Variants in CACNA2D1 observed in about 807,000 individuals in gnomAD.
The protein encoded by CACNA2D1 is calcium voltage-gated channel auxiliary subunit alpha2delta 1, also known as voltage-dependent calcium channel subunit alpha-2/delta-1.
CACNA2D1 carries 53 observed loss-of-function variants against 171.5 expected under a neutral mutation model. The ratio of observed to expected loss-of-function variants is 0.31; its 90% CI spans 0.25 to 0.39. The LOEUF is 0.39. Among genes scored for constraint, CACNA2D1 ranks in the 10% least tolerant of loss-of-function variants. The probability of loss-of-function intolerance (pLI) is 1.00; values close to 1 mark genes in which losing one functional copy is unlikely to be tolerated. For missense variants in CACNA2D1, 903 were observed against 1,299.8 expected, an observed-to-expected ratio of 0.69 and a Z score of 4.69; for synonymous variants, 442 against 443.1, an observed-to-expected ratio of 1.00 and a Z score of 0.03.
intron 1 of CACNA2D1, among the ~76,000 whole-genome samples, chr7:82,413,831 TAC>T (rs994639906): frequency 1.4e-4 from 22 of 152,228 alleles, no homozygotes; most frequent in Admixed American, 2.0e-4. Flanking sequence ...GATTAATATA[TAC>T]ACACATATAT....
At chr7:82,257,349 C>T (rs1240802884) in intron 3 of CACNA2D1, among the ~76,000 whole-genome samples, 1 of 152,214 alleles carries the variant, frequency 6.6e-6, no homozygotes, top group African/African-American at 2.4e-5. Flanking sequence ...TAATCATATA[C>T]ATTACCCCTG....
chr7:81,989,755 T>A (rs1383239193), intron 21 of CACNA2D1, among the ~76,000 whole-genome samples: 1 of 152,312 alleles, frequency 6.6e-6, no homozygotes, highest in African/African-American at 2.4e-5. Flanking sequence ...TTTTGCCAAA[T>A]TGCTGTATGC....
chr7:82,069,821 TA>T (rs1808108840), intron 7 of CACNA2D1, among the ~76,000 whole-genome samples: 1 of 152,120 alleles, frequency 6.6e-6, no homozygotes, highest in Non-Finnish European at 1.5e-5. Flanking sequence ...ATTTCCCAAT[TA>T]AAAAGTTCAA....
At chr7:82,087,314 T>C (rs374718669) in intron 6 of CACNA2D1, among the ~76,000 whole-genome samples, 1 of 152,124 alleles carries the variant, frequency 6.6e-6, no homozygotes, top group African/African-American at 2.4e-5. Context: ...GCCATAGGAA[T>C]GCAAAATTAC....
At position 82,443,385 on chromosome 7, in the gene CACNA2D1, C is replaced by T. The variant is rs199857487; in HGVS notation, c.75G>A (p.Glu25=). The change falls in exon 1 of 39, where the codon GAG becomes GAA. Residue 25 remains glutamate, a synonymous_variant. Coordinates refer to ENST00000356860, the MANE Select transcript of CACNA2D1 (RefSeq NM_000722.4). ...QSLLIGPSSE[E]PFPSAVTIKS... ...CTTACGTGACGGCCGAAGGGAACGGCTCCTCCGACGAGGGGCCGATGAGCA... is the reference window on the plus strand; with the variant it reads ...CTTACGTGACGGCCGAAGGGAACGGTTCCTCCGACGAGGGGCCGATGAGCA... The T allele has an allele frequency of 2.7e-5, 44 of 1,604,510 alleles. No individual in the cohort carries two copies. Among genetic ancestry groups the T allele is most frequent in the Middle Eastern group, 1.7e-4 (1 of 6,028 alleles).
At chr7:82,098,399 A>C (rs1323995985) in intron 6 of CACNA2D1, among the ~76,000 whole-genome samples, 1 of 152,208 alleles carries the variant, frequency 6.6e-6, no homozygotes, top group Non-Finnish European at 1.5e-5. Context: ...TGTTGAAACC[A>C]ATACAAACCC....
At chr7:82,430,601 C>A (rs731160) in intron 1 of CACNA2D1, among the ~76,000 whole-genome samples, 1 of 151,938 alleles carries the variant, frequency 6.6e-6, no homozygotes, top group African/African-American at 2.4e-5. Context: ...TTTCTACCAA[C>A]AAGAGAACAG....
chr7:82,108,939 G>C (rs997274049), intron 6 of CACNA2D1, among the ~76,000 whole-genome samples: 29 of 152,218 alleles, frequency 1.9e-4, no homozygotes, highest in African/African-American at 6.7e-4. Context: ...AATTATGTAA[G>C]CTAATCACTT....
At chr7:82,390,530 A>C (rs1465768480) in intron 1 of CACNA2D1, among the ~76,000 whole-genome samples, 1 of 152,204 alleles carries the variant, frequency 6.6e-6, no homozygotes, top group Non-Finnish European at 1.5e-5. Context: ...AAACATCAAC[A>C]AGAAAAGTCA....
chr7:82,383,439 G>C (rs926484451), intron 1 of CACNA2D1, among the ~76,000 whole-genome samples: 65 of 152,288 alleles, frequency 4.3e-4, no homozygotes, highest in African/African-American at 1.5e-3. Context: ...TGTAGACATA[G>C]AAAGTAGGAA....
chr7:82,185,524 GA>G (rs1797630024), intron 3 of CACNA2D1, among the ~76,000 whole-genome samples: 1 of 41,438 alleles, frequency 2.4e-5, no homozygotes, highest in Non-Finnish European at 4.9e-5. Context: ...GGAGGGGGAG[GA>G]GGAGGAGGGG....
At chr7:82,223,449 C>A (rs1415513412) in intron 3 of CACNA2D1, among the ~76,000 whole-genome samples, 1 of 152,100 alleles carries the variant, frequency 6.6e-6, no homozygotes, top group Admixed American at 6.6e-5. Flanking sequence ...CCTAGCAAAG[C>A]GATTGACATA....
Position 82,264,002 on chromosome 7 carries a change from G to A in CACNA2D1, c.294+71133C>T, listed in dbSNP as rs147700717. 3.3e-3 allele frequency among the ~76,000 whole-genome samples: 503 copies of A among 152,022 alleles called. 3 individuals are homozygous for A. The highest frequency in any genetic ancestry group is 0.022 in the East Asian group (113 of 5,176). On this transcript the variant is annotated intron_variant, in intron 3 of 38. Coordinates refer to ENST00000356860, the MANE Select transcript of CACNA2D1 (RefSeq NM_000722.4). ...TAACATGATTATGTAGGCCGTCACCGTTTTTAAAAATTGCATTAAGCCCAT... is the reference window on the plus strand; with the variant it reads ...TAACATGATTATGTAGGCCGTCACCATTTTTAAAAATTGCATTAAGCCCAT...
rs1180927444 is a variant in CACNA2D1 at position 81,968,380 on chromosome 7, G to C, written c.2395+507C>G. 3.3e-5 allele frequency among the ~76,000 whole-genome samples: 5 copies of C among 151,358 alleles called. No homozygotes were observed. In the East Asian group the frequency reaches 9.7e-4, roughly 29 times the overall value. On this transcript the variant is annotated intron_variant, in intron 29 of 38. Coordinates refer to ENST00000356860, the MANE Select transcript of CACNA2D1 (RefSeq NM_000722.4). The stretch of plus-strand genomic sequence containing the variant: ...GTTTACTTGCCTATTTTTCCAAAAA[G>C]TCATTTTTCTATATATTTTATAGCA...
chr7:82,400,914 T>C (rs1341094965), intron 1 of CACNA2D1, among the ~76,000 whole-genome samples: 1 of 152,042 alleles, frequency 6.6e-6, no homozygotes, highest in Non-Finnish European at 1.5e-5. Flanking sequence ...CAGACACTTC[T>C]CAAAAGAAGA....
At chr7:82,006,799 G>A (rs1346376209) in intron 16 of CACNA2D1, among the ~76,000 whole-genome samples, 1 of 152,034 alleles carries the variant, frequency 6.6e-6, no homozygotes, top group Non-Finnish European at 1.5e-5. Context: ...GGCCCCCAAA[G>A]AGAAATAACT....
At chr7:81,961,714 A>G (rs1409422238) in intron 36 of CACNA2D1, among the ~76,000 whole-genome samples, 180 bp downstream of exon 36, 1 of 152,038 alleles carries the variant, frequency 6.6e-6, no homozygotes, top group Non-Finnish European at 1.5e-5. Flanking sequence ...TTAAAAGTCT[A>G]CAGAGAAACT....
intron 21 of CACNA2D1, 70 bp from the exon 22 acceptor site, chr7:81,984,781 A>C: frequency 2.4e-6 from 2 of 821,542 alleles, no homozygotes; most frequent in South Asian, 2.9e-5. Flanking sequence ...AAAAAGACAC[A>C]TCAAGTTCAT....
At chr7:82,229,333 T>C (rs1171487610) in intron 3 of CACNA2D1, among the ~76,000 whole-genome samples, 1 of 152,116 alleles carries the variant, frequency 6.6e-6, no homozygotes, top group Non-Finnish European at 1.5e-5. Flanking sequence ...AATGCTCCAC[T>C]TGATTTCTAC....
Sources: gnomAD v4.1 joint callset for allele counts (sites outside exome capture counted in the v4.1 genomes callset) on GRCh38, gnomAD v4.1.1 for gene constraint, MANE v1.5 for transcripts, NCBI Gene and HGNC (gene_info 2026-07-23, HGNC 2026-07-21) for gene names.